Variants in LRRK2 observed in about 807,000 individuals in gnomAD.
The protein encoded by LRRK2 is leucine-rich repeat serine/threonine-protein kinase 2.
Under a neutral mutation model 302.6 loss-of-function variants are expected in LRRK2, and 203 were observed. The ratio of observed to expected loss-of-function variants is 0.67; its 90% confidence interval spans 0.60 to 0.75. LRRK2 has a LOEUF of 0.75. Ranked by LOEUF, LRRK2 falls within the 30% of genes least tolerant of loss-of-function variation. The pLI is 0.00. For missense variants in LRRK2, 2,830 were observed against 2,951.0 expected, an observed-to-expected ratio of 0.96 and a Z score of 0.95; for synonymous variants, 1,066 against 1,031.9, an observed-to-expected ratio of 1.03 and a Z score of -0.63.
chr12:40,293,447 A>T, intron 20 of LRRK2, 98 bp from the exon 21 acceptor site: 2 of 729,422 alleles, frequency 2.7e-6, no homozygotes, highest in South Asian at 3.1e-5. Context: ...TAATAAAAAT[A>T]GGTCTAATCT....
At chr12:40,334,494 T>TTA (rs1410500176) in intron 39 of LRRK2, among the ~76,000 whole-genome samples, 1 of 152,202 alleles carries the variant, frequency 6.6e-6, no homozygotes, top group East Asian at 1.9e-4. Flanking sequence ...AACACATGTT[T>TTA]TATATGTTAT....
At chr12:40,227,208 T>G (rs1940939426) in intron 2 of LRRK2, among the ~76,000 whole-genome samples, 1 of 152,150 alleles carries the variant, frequency 6.6e-6, no homozygotes, top group Non-Finnish European at 1.5e-5. Flanking sequence ...GTTGTATATA[T>G]TTTGGGGATA....
intron 20 of LRRK2, among the ~76,000 whole-genome samples, chr12:40,289,603 A>G (rs1308942989): frequency 2.0e-5 from 3 of 150,292 alleles, no homozygotes; most frequent in Non-Finnish European, 4.4e-5. Context: ...ATATATTAAT[A>G]ATGAGTCTTT....
chr12:40,274,925 C>T lies in LRRK2; in HGVS notation c.1873C>T (p.His625Tyr). Residue 625 changes from histidine (H) to tyrosine (Y), a missense_variant, in exon 16 of 51, where the codon CAT (histidine) becomes TAT (tyrosine). This residue lies in a region of LRRK2 where 2,121 missense variants were observed against 2,148.0 expected (regional missense o/e 0.99). Coordinates refer to ENST00000298910, the MANE Select transcript of LRRK2 (RefSeq NM_198578.4). ...TKKNVFIGTGHLLAKILVSSL... is the reference protein window; with the variant it reads ...TKKNVFIGTGYLLAKILVSSL... Reference sequence around the variant, plus strand: ...GAAGAATGTGTTCATAGGAACTGGACATCTGCTGGCAAAAATTCTGGTTTC... The same window carrying T: ...GAAGAATGTGTTCATAGGAACTGGATATCTGCTGGCAAAAATTCTGGTTTC... 6.2e-7 allele frequency: 1 copy of T among 1,613,794 alleles called. No individual in the cohort carries two copies. Among genetic ancestry groups the T allele is most frequent in the Non-Finnish European group, 8.5e-7 (1 of 1,179,790 alleles).
At chr12:40,249,522 G>A (rs758889530) in intron 7 of LRRK2, among the ~76,000 whole-genome samples, 73 of 152,062 alleles carry the variant, frequency 4.8e-4, no homozygotes, top group Non-Finnish European at 7.8e-4. Context: ...GAATATTGTC[G>A]TGCCGTGTGT....
In LRRK2 at chr12:40,334,973, G is replaced by T; in HGVS notation, c.5764G>T (p.Val1922Leu). The change falls in exon 40 of 51, where the codon GTG (valine) becomes TTG (leucine). Residue 1922 changes from valine to leucine, a missense_variant. Transcript: ENST00000298910. ...TSLRLLRQELVVLCHLHHPSL... is the reference protein window; with the variant it reads ...TSLRLLRQELLVLCHLHHPSL... ...TGATTTTGGACTTTTGCAGGAGCTT[G>T]TGGTGCTTTGCCACCTCCACCACCC... 6.2e-7 allele frequency: 1 copy of T among 1,613,918 alleles called. No homozygotes were observed. Among genetic ancestry groups the T allele is most frequent in the Non-Finnish European group, 8.5e-7 (1 of 1,179,956 alleles).
At chr12:40,246,681 C>A (rs1179639604) in intron 7 of LRRK2, among the ~76,000 whole-genome samples, 1 of 152,052 alleles carries the variant, frequency 6.6e-6, no homozygotes, top group Non-Finnish European at 1.5e-5. Flanking sequence ...AGGTGTTTGC[C>A]AGGAGTCAGA....
intron 25 of LRRK2, among the ~76,000 whole-genome samples, chr12:40,299,596 A>C (rs1026333292): frequency 2.6e-5 from 4 of 152,154 alleles, no homozygotes; most frequent in Non-Finnish European, 5.9e-5. Context: ...GGAGAGATGA[A>C]TAGATAAAGG....
intron 41 of LRRK2, among the ~76,000 whole-genome samples, chr12:40,342,412 A>T (rs1220790042): frequency 6.6e-6 from 1 of 152,100 alleles, no homozygotes; most frequent in African/African-American, 2.4e-5. Flanking sequence ...AGATCATGTC[A>T]GAAACCCAGG....
At chr12:40,268,680 A>T (rs1199154360) in intron 14 of LRRK2, among the ~76,000 whole-genome samples, 1 of 152,170 alleles carries the variant, frequency 6.6e-6, no homozygotes, top group Non-Finnish European at 1.5e-5. Context: ...ACATATGAGT[A>T]ATCAGGAGAA....
At chr12:40,225,305 T>G (rs766490208) in intron 1 of LRRK2, 23 bp downstream of exon 1, 5 of 1,612,968 alleles carry the variant, frequency 3.1e-6, no homozygotes, top group Non-Finnish European at 2.5e-6. Flanking sequence ...AAATAAACTG[T>G]GCTTTTATTT....
chr12:40,302,535 G>A (rs1322719092), intron 25 of LRRK2, among the ~76,000 whole-genome samples: 2 of 152,074 alleles, frequency 1.3e-5, no homozygotes, highest in Non-Finnish European at 2.9e-5. Flanking sequence ...CAAATGTTGG[G>A]TAGACAAATT....
chr12:40,355,963 G>C, intron 45 of LRRK2, 152 bp from the exon 46 acceptor site: 1 of 607,038 alleles, frequency 1.6e-6, no homozygotes, highest in South Asian at 2.1e-5. Flanking sequence ...ATAATTCCAA[G>C]TCTTCTAAAG....
intron 26 of LRRK2, 51 bp downstream of exon 26, chr12:40,302,933 C>A: frequency 1.6e-6 from 2 of 1,215,270 alleles, no homozygotes; most frequent in Non-Finnish European, 1.2e-6. Context: ...GGAACAGAAC[C>A]TTTAGAAACA....
intron 20 of LRRK2, among the ~76,000 whole-genome samples, chr12:40,289,348 C>T (rs1294898879): frequency 6.6e-6 from 1 of 151,516 alleles, no homozygotes; most frequent in African/African-American, 2.4e-5. Flanking sequence ...TGTAAGTCCT[C>T]TGGTGTTCTT....
In LRRK2 at chr12:40,225,144, A is replaced by G. The variant is rs1307608899; in HGVS notation, c.13A>G (p.Ser5Gly). ...AGCAGGTGCCACCATGGCTAGTGGC[A>G]GCTGTCAGGGGTGCGAAGAGGACGA... MASGSCQGCEEDEET... is the reference protein window; with the variant it reads MASGGCQGCEEDEET... The change falls in exon 1 of 51, where the codon AGC (serine) becomes GGC (glycine). Residue 5 changes from serine to glycine, a missense_variant. Physicochemically the swap from Ser to Gly is moderately conservative, Grantham distance 56. Coordinates refer to ENST00000298910, the MANE Select transcript of LRRK2 (RefSeq NM_198578.4). 3 of 1,613,968 alleles carry G rather than the reference A, an allele frequency of 1.9e-6. No homozygotes were observed. The African/African-American group carries it at 4.0e-5, about 22-fold the overall frequency.
intron 4 of LRRK2, among the ~76,000 whole-genome samples, chr12:40,236,151 A>C (rs923899186): frequency 5.9e-5 from 9 of 152,110 alleles, no homozygotes; most frequent in African/African-American, 2.2e-4. Context: ...ATCTTTAATA[A>C]ATTTTCTATA....
intron 14 of LRRK2, among the ~76,000 whole-genome samples, chr12:40,265,304 T>C (rs1942961591): frequency 6.6e-6 from 1 of 152,198 alleles, no homozygotes; most frequent in Non-Finnish European, 1.5e-5. Context: ...CGGTTGTTGA[T>C]GGCTGTTGTG....
chr12:40,353,748 G>A (rs953275695), intron 44 of LRRK2, among the ~76,000 whole-genome samples: 22 of 152,246 alleles, frequency 1.4e-4, no homozygotes, highest in African/African-American at 4.1e-4. Context: ...TCGGGAGGCC[G>A]AGGCTGGCAG....
Sources: gnomAD v4.1 joint callset for allele counts (sites outside exome capture counted in the v4.1 genomes callset) on GRCh38, gnomAD v4.1.1 for gene constraint, gnomAD v4.1.1 regional missense constraint, MANE v1.5 for transcripts, NCBI Gene and HGNC (gene_info 2026-07-23, HGNC 2026-07-21) for gene names.